Variants in TENM1 observed in about 807,000 individuals in gnomAD.
TENM1 encodes the protein teneurin-1.
TENM1 carries 35 observed loss-of-function variants against 174.8 expected under a neutral mutation model. The observed-to-expected ratio is 0.20, with a 90% CI of 0.15 to 0.27. TENM1 has a LOEUF of 0.27. Among genes scored for constraint, TENM1 ranks in the 10% least tolerant of loss-of-function variants. The probability of loss-of-function intolerance (pLI) is 1.00; values close to 1 mark genes in which losing one functional copy is unlikely to be tolerated. For synonymous variants in TENM1, 781 were observed against 798.7 expected, an observed-to-expected ratio of 0.98 and a Z score of 0.37; for missense variants, 1,633 against 2,130.1, an observed-to-expected ratio of 0.77 and a Z score of 4.59.
intron 15 of TENM1, among the ~76,000 whole-genome samples, chrX:124,530,977 C>T (rs2048092880): frequency 9.0e-6 from 1 of 110,831 alleles, no homozygotes; most frequent in East Asian, 2.8e-4. Context: ...TTTCACTGGT[C>T]TGCTGGGAGG....
intron 3 of TENM1, among the ~76,000 whole-genome samples, chrX:124,801,952 T>C (rs1228224348): frequency 9.0e-6 from 1 of 111,676 alleles, no homozygotes; most frequent in African/African-American, 3.3e-5. Context: ...TGCTGAGAGG[T>C]TCATTGTTAG....
the TENM1 span, among the ~76,000 whole-genome samples, chrX:125,170,238 G>T: frequency 3.8e-3 from 422 of 111,281 alleles, 3 homozygotes; most frequent in African/African-American, 0.013. Flanking sequence ...GTTTTTGAGG[G>T]AGAAGCGAGT....
At chrX:124,797,327 T>C (rs1214769422) in intron 3 of TENM1, among the ~76,000 whole-genome samples, 1 of 111,790 alleles carries the variant, frequency 8.9e-6, no homozygotes, top group East Asian at 2.8e-4. Context: ...TGAGGGGTTT[T>C]CCATAGCACA....
At chrX:124,862,677 C>T (rs2056935880) in intron 3 of TENM1, among the ~76,000 whole-genome samples, 1 of 110,713 alleles carries the variant, frequency 9.0e-6, no homozygotes, top group Non-Finnish European at 1.9e-5. Flanking sequence ...CCAAGTAAAC[C>T]TGAATGACAA....
At chrX:125,147,141 GTATA>G in the TENM1 span, among the ~76,000 whole-genome samples, 2 of 97,724 alleles carry the variant, frequency 2.0e-5, no homozygotes, top group African/African-American at 7.0e-5. Context: ...ACATATGTGT[GTATA>G]TATATCACAT....
At chrX:125,142,919 C>G in the TENM1 span, among the ~76,000 whole-genome samples, 5 of 111,640 alleles carry the variant, frequency 4.5e-5, no homozygotes, top group African/African-American at 1.6e-4. Context: ...AGCATCTGTT[C>G]ATAATCAGTA....
chrX:124,888,286 T>G (rs778885439), intron 3 of TENM1, among the ~76,000 whole-genome samples: 1 of 111,552 alleles, frequency 9.0e-6, no homozygotes, highest in Non-Finnish European at 1.9e-5. Flanking sequence ...GTATCAGATA[T>G]TCCCTTACCT....
chrX:125,082,030 C>T, the TENM1 span, among the ~76,000 whole-genome samples: 4 of 110,720 alleles, frequency 3.6e-5, no homozygotes, highest in Non-Finnish European at 7.6e-5. Flanking sequence ...TGAGAAATTA[C>T]TTAATGGGTA....
At chrX:124,644,044 C>CATATAT (rs72253813) in intron 10 of TENM1, among the ~76,000 whole-genome samples, 127 of 79,188 alleles carry the variant, frequency 1.6e-3, no homozygotes, top group African/African-American at 3.7e-3. Flanking sequence ...ATATAAATGG[C>CATATAT]ATATATATAT....
intron 1 of TENM1, among the ~76,000 whole-genome samples, chrX:124,932,964 T>TA: frequency 8.9e-6 from 1 of 112,077 alleles, no homozygotes; most frequent in African/African-American, 3.2e-5. Context: ...AGTACTGGAA[T>TA]AAAAAATCCC....
the TENM1 span, among the ~76,000 whole-genome samples, chrX:125,190,968 A>G: frequency 1.8e-5 from 2 of 111,156 alleles, no homozygotes; most frequent in African/African-American, 6.5e-5. Flanking sequence ...TAACATAAAC[A>G]TTTTCCTTTT....
intron 5 of TENM1, among the ~76,000 whole-genome samples, chrX:124,672,342 T>C (rs1395652410): frequency 3.6e-5 from 4 of 111,394 alleles, no homozygotes; most frequent in Non-Finnish European, 7.5e-5. Context: ...AGATGCTTAT[T>C]AGGGTGGGAT....
At chrX:124,603,958 G>A (rs1315493164) in intron 11 of TENM1, among the ~76,000 whole-genome samples, 2 of 110,952 alleles carry the variant, frequency 1.8e-5, no homozygotes, top group Non-Finnish European at 3.8e-5. Flanking sequence ...TATAGTATAT[G>A]CAAAGGATAC....
intron 1 of TENM1, among the ~76,000 whole-genome samples, chrX:124,949,238 T>C (rs2058446572): frequency 8.9e-6 from 1 of 111,968 alleles, no homozygotes; most frequent in African/African-American, 3.2e-5. Context: ...TCTTGTGTCC[T>C]GGCACTTTTC....
chrX:124,625,102 C>CT (rs756560310), intron 11 of TENM1, among the ~76,000 whole-genome samples: 11 of 111,662 alleles, frequency 9.9e-5, no homozygotes, highest in African/African-American at 2.6e-4. Flanking sequence ...TTATACAGGG[C>CT]TTTTTTTAGT....
intron 19 of TENM1, among the ~76,000 whole-genome samples, chrX:124,499,661 A>G (rs1010527598): frequency 2.7e-5 from 3 of 112,126 alleles, no homozygotes; most frequent in African/African-American, 9.7e-5. Flanking sequence ...CTCAAAAAAC[A>G]TTTAATTGCA....
At chrX:125,109,787 C>T in the TENM1 span, among the ~76,000 whole-genome samples, 14 of 111,329 alleles carry the variant, frequency 1.3e-4, no homozygotes, top group Non-Finnish European at 2.1e-4. Flanking sequence ...ACACTAGTGT[C>T]GACAAATCGG....
In TENM1 at chrX:124,691,323, G is replaced by GA. The variant is rs2052516217; in HGVS notation, c.1015+13689dup. Among the ~76,000 whole-genome samples, 3 of 110,965 alleles carry GA rather than the reference G, an allele frequency of 2.7e-5. No homozygotes were observed. The South Asian group carries it at 1.1e-3, about 42-fold the overall frequency. ...AGACAAAGAAAAGAAAAAGAAAATG[G>GA]AAAAAAAGGCAAGAGATATGAGCAC... On this transcript the variant is annotated intron_variant, in intron 5 of 31. Transcript: ENST00000422452.
At chrX:124,428,045 G>T (rs1229572714) in intron 23 of TENM1, among the ~76,000 whole-genome samples, 1 of 111,882 alleles carries the variant, frequency 8.9e-6, no homozygotes, top group African/African-American at 3.3e-5. Flanking sequence ...CCTCATTTGT[G>T]GTGGTTGCCA....
Sources: allele counts gnomAD v4.1 joint callset (sites outside exome capture counted in the v4.1 genomes callset), GRCh38; gene constraint gnomAD v4.1.1; transcripts MANE v1.5; gene names NCBI Gene and HGNC (gene_info 2026-07-23, HGNC 2026-07-21).